Variants in WAC observed in about 807,000 individuals in gnomAD.
WAC encodes WW domain-containing adapter protein with coiled-coil.
WAC carries 11 observed loss-of-function variants against 79.6 expected under a neutral mutation model. The observed-to-expected ratio is 0.14, with a 90% confidence interval of 0.09 to 0.23. The LOEUF (loss-of-function observed/expected upper bound fraction) is 0.23. Among genes scored for constraint, WAC ranks in the 10% least tolerant of loss-of-function variants. WAC has a pLI of 1.00. For synonymous variants in WAC, 304 were observed against 276.9 expected (o/e 1.10, Z -0.97); for missense variants, 728 against 773.5 (o/e 0.94, Z 0.70).
chr10:28,560,161 G>T (rs187179477), intron 3 of WAC, among the ~76,000 whole-genome samples: 23 of 152,198 alleles, frequency 1.5e-4, no homozygotes, highest in Middle Eastern at 6.8e-3. Flanking sequence ...AGGCAACATA[G>T]TGAGACTCTG....
At chr10:28,593,965 T>A (rs917350154) in intron 6 of WAC, among the ~76,000 whole-genome samples, 2 of 152,106 alleles carry the variant, frequency 1.3e-5, no homozygotes, top group African/African-American at 4.8e-5. Flanking sequence ...CTTTCCTGTT[T>A]TGTAGGTTGT....
At chr10:28,540,595 T>C (rs531958820) in intron 3 of WAC, among the ~76,000 whole-genome samples, 1 of 152,334 alleles carries the variant, frequency 6.6e-6, no homozygotes, top group East Asian at 1.9e-4. Context: ...TAATCCCTCA[T>C]ATTTAAAGAC....
chr10:28,595,682 C>T lies in WAC; in HGVS notation c.611-51C>T, dbSNP rs1564408224. 1.4e-5 allele frequency: 21 copies of T among 1,532,886 alleles called. No homozygotes were observed. In the Admixed American group the frequency reaches 2.4e-4, roughly 18 times the overall value. The allele number at this position is 1,532,886 out of a possible 1,614,324, so 95.0% of individuals were successfully genotyped here. A position where few individuals can be genotyped will look rare whatever the true frequency, so the allele number is the denominator to read the frequency against. On this transcript the variant is annotated intron_variant, in intron 6 of 13. Coordinates refer to ENST00000354911, the MANE Select transcript of WAC (RefSeq NM_016628.5). ...GTAGGATTCTAATGTAATCTTTTTT[C>T]TTCCCCCTTCTGTCATTCCAACATC... is the stretch of plus-strand genomic sequence containing the variant.
intron 2 of WAC, 94 bp downstream of exon 2, chr10:28,534,128 G>A: frequency 8.1e-7 from 1 of 1,241,636 alleles, no homozygotes; most frequent in Non-Finnish European, 1.1e-6. Flanking sequence ...GTCGATACAG[G>A]CCCTTCGGTG....
At chr10:28,534,525 C>G (rs1310866183) in intron 2 of WAC, among the ~76,000 whole-genome samples, 1 of 152,210 alleles carries the variant, frequency 6.6e-6, no homozygotes, top group Non-Finnish European at 1.5e-5. Flanking sequence ...AATTGCCTTA[C>G]AAGTAAAAGA....
intron 9 of WAC, chr10:28,611,223 T>A (rs976898580): frequency 1.6e-6 from 2 of 1,275,684 alleles, no homozygotes; most frequent in African/African-American, 3.0e-5. Context: ...GACTGGATAA[T>A]ATGGAAATGC....
intron 10 of WAC, 148 bp downstream of exon 10, chr10:28,612,070 A>C (rs1841266485): frequency 1.0e-6 from 1 of 985,534 alleles, no homozygotes; most frequent in Admixed American, 2.9e-5. Context: ...TGCAGCCTAG[A>C]ATTTCTCAGT....
intron 7 of WAC, among the ~76,000 whole-genome samples, chr10:28,606,265 C>T (rs998195606): frequency 1.1e-4 from 17 of 152,030 alleles, no homozygotes; most frequent in African/African-American, 1.7e-4. Flanking sequence ...TTGCCCAGGC[C>T]GGTCTTGGAA....
At chr10:28,612,295 CTGTG>C (rs1841278984) in intron 10 of WAC, among the ~76,000 whole-genome samples, 1 of 152,218 alleles carries the variant, frequency 6.6e-6, no homozygotes, top group South Asian at 2.1e-4. Flanking sequence ...GAGGCAGTTT[CTGTG>C]CTAAGAACTT....
chr10:28,585,262 A>T (rs567701241), intron 4 of WAC, among the ~76,000 whole-genome samples: 1 of 152,178 alleles, frequency 6.6e-6, no homozygotes, highest in African/African-American at 2.4e-5. Context: ...CAGAGCTGGT[A>T]GTAATACCTC....
intron 7 of WAC, among the ~76,000 whole-genome samples, chr10:28,602,451 A>G (rs778458030): frequency 1.3e-5 from 2 of 152,188 alleles, no homozygotes; most frequent in African/African-American, 2.4e-5. Flanking sequence ...TTCCTACTAC[A>G]CTTACATACC....
intron 8 of WAC, among the ~76,000 whole-genome samples, chr10:28,609,873 A>C (rs1841142011): frequency 1.3e-5 from 2 of 152,070 alleles, no homozygotes; most frequent in African/African-American, 4.8e-5. Context: ...AATAATAGTT[A>C]ATGTCAATAA....
intron 7 of WAC, among the ~76,000 whole-genome samples, chr10:28,605,978 T>G (rs1423202023): frequency 6.6e-6 from 1 of 152,130 alleles, no homozygotes; most frequent in Non-Finnish European, 1.5e-5. Context: ...TTAAGAGGGA[T>G]GTGATCTGGA....
rs1320517733 is a variant in WAC at position 28,623,089 on chromosome 10, TAC to T, written c.*3485_*3486del. On this transcript the variant is annotated 3_prime_UTR_variant, in exon 14 of 14. Transcript: ENST00000354911. ...TGCATTTGAGTAAGGAAATTTAAAA[TAC>T]AGATTACTGCTGAGATTTTAATCAG... The T allele has an allele frequency of 2.0e-5, 3 of 152,324 alleles. No homozygotes were observed. The highest frequency in any genetic ancestry group is 2.9e-5 in the Non-Finnish European group (2 of 68,036). The allele number at this position is 152,324 out of a possible 1,614,324, so 9.4% of individuals were successfully genotyped here.
intron 7 of WAC, among the ~76,000 whole-genome samples, chr10:28,605,155 C>T (rs539982651): frequency 6.6e-6 from 1 of 152,150 alleles, no homozygotes; most frequent in Non-Finnish European, 1.5e-5. Context: ...TGTCCCTGAT[C>T]GTATCTTTAT....
chr10:28,540,446 A>C (rs746366654), intron 3 of WAC, among the ~76,000 whole-genome samples: 2 of 152,182 alleles, frequency 1.3e-5, no homozygotes, highest in Non-Finnish European at 2.9e-5. Flanking sequence ...AGTGGTTACA[A>C]CTTGCCAAAT....
chr10:28,538,121 ACG>A lies in WAC; in HGVS notation c.274+2365_274+2366del, dbSNP rs773307865. 976 of 157,578 alleles carry A rather than the reference ACG, an allele frequency of 6.2e-3. 5 individuals carry two copies. Among genetic ancestry groups the A allele is most frequent in the Non-Finnish European group, 0.011 (759 of 70,182 alleles). 9.8% of individuals were successfully genotyped at this position (157,578 alleles called of 1,614,324 possible). On this transcript the variant is annotated intron_variant, in intron 3 of 13. Transcript: ENST00000354911. ...ATCTTTGATATTCTCTCTTCAAAAAACGTAAAATGGTGATTTTTCCTCATTTT... is the reference window on the plus strand; with the variant it reads ...ATCTTTGATATTCTCTCTTCAAAAAATAAAATGGTGATTTTTCCTCATTTT...
rs1841632648 is a variant in WAC at position 28,619,968 on chromosome 10, A to C, written c.*362A>C. 1 of 156,728 alleles carries C rather than the reference A, an allele frequency of 6.4e-6. No individual in the cohort carries two copies. Among genetic ancestry groups the C allele is most frequent in the Admixed American group, 6.5e-5 (1 of 15,316 alleles). The allele number at this position is 156,728 out of a possible 1,614,324, so 9.7% of individuals were successfully genotyped here. ...TGCAAAATTAGCTTTTTTAAAAAAAAAAAAAAAAAAATTGGGGGGGTTAAT... is the reference window on the plus strand; with the variant it reads ...TGCAAAATTAGCTTTTTTAAAAAAACAAAAAAAAAAATTGGGGGGGTTAAT... On this transcript the variant is annotated 3_prime_UTR_variant, in exon 14 of 14. Transcript: ENST00000354911.
At chr10:28,558,447 A>T in intron 3 of WAC, among the ~76,000 whole-genome samples, 1 of 152,188 alleles carries the variant, frequency 6.6e-6, no homozygotes, top group Admixed American at 6.5e-5. Context: ...AAGACATTGT[A>T]ACTAATACCT....
Sources: allele counts gnomAD v4.1 joint callset (sites outside exome capture counted in the v4.1 genomes callset), GRCh38; gene constraint gnomAD v4.1.1; transcripts MANE v1.5; gene names NCBI Gene and HGNC (gene_info 2026-07-23, HGNC 2026-07-21).